The following ARHGAP23 variants were observed in gnomAD, a reference collection of about 807,000 sequenced individuals.
ARHGAP23 encodes the protein Rho GTPase activating protein 23.
A neutral mutation model predicts 136.3 loss-of-function variants in ARHGAP23; 34 were observed. That is an observed-to-expected ratio of 0.25 (90% CI 0.19 to 0.33). The LOEUF (loss-of-function observed/expected upper bound fraction) is 0.33, where lower values mean the gene tolerates loss of function less well. Ranked by LOEUF, ARHGAP23 falls within the 10% of genes least tolerant of loss-of-function variation. The pLI is 1.00. For missense variants in ARHGAP23, 1,808 were observed against 2,139.0 expected (o/e 0.85, Z 3.05); for synonymous variants, 832 against 920.5 (o/e 0.90, Z 1.74).
chr17:38,461,477 A>C (rs2039459338), intron 3 of ARHGAP23, among the ~76,000 whole-genome samples: 1 of 152,240 alleles, frequency 6.6e-6, no homozygotes, highest in African/African-American at 2.4e-5. Flanking sequence ...TATTCAAGGC[A>C]GAGTGCCTTC....
chr17:38,487,449 C>A (rs1386900120), intron 17 of ARHGAP23, among the ~76,000 whole-genome samples: 1 of 152,162 alleles, frequency 6.6e-6, no homozygotes, highest in Non-Finnish European at 1.5e-5. Context: ...GTCAAAGTCC[C>A]GGTGAACCTT....
At chr17:38,455,989 C>T (rs1303550795) in intron 1 of ARHGAP23, among the ~76,000 whole-genome samples, 2 of 152,254 alleles carry the variant, frequency 1.3e-5, no homozygotes, top group Admixed American at 6.5e-5. Context: ...GGGGGTCTTC[C>T]AGCTTTTACG....
At chr17:38,438,820 C>T (rs1414820616) in intron 1 of ARHGAP23, among the ~76,000 whole-genome samples, 1 of 151,882 alleles carries the variant, frequency 6.6e-6, no homozygotes, top group South Asian at 2.1e-4. Context: ...CCCGTCTCTA[C>T]TAAAAATACA....
At chr17:38,486,285 T>A in intron 17 of ARHGAP23, 145 bp downstream of exon 17, 1 of 779,964 alleles carries the variant, frequency 1.3e-6, no homozygotes, top group Non-Finnish European at 2.1e-6. Flanking sequence ...TGGAGTGCAG[T>A]GGCGCAATCA....
chr17:38,438,110 C>T (rs1483742622), intron 1 of ARHGAP23, among the ~76,000 whole-genome samples: 3 of 152,132 alleles, frequency 2.0e-5, no homozygotes, highest in African/African-American at 7.2e-5. Flanking sequence ...ATCACGAGGG[C>T]AAGAGATCGA....
At chr17:38,505,952 A>AT (rs1163254679) in intron 23 of ARHGAP23, among the ~76,000 whole-genome samples, 1 of 151,726 alleles carries the variant, frequency 6.6e-6, no homozygotes, top group Non-Finnish European at 1.5e-5. Flanking sequence ...AAGGAAAGTT[A>AT]TGCACTCTTG....
At chr17:38,467,408 G>A in intron 7 of ARHGAP23, 77 bp downstream of exon 7, 1 of 1,368,310 alleles carries the variant, frequency 7.3e-7, no homozygotes, top group Admixed American at 3.1e-5. Flanking sequence ...CCATCTGCCT[G>A]TCTGCCATGG....
intron 17 of ARHGAP23, among the ~76,000 whole-genome samples, chr17:38,489,586 G>C (rs1049348926): frequency 7.1e-4 from 108 of 152,074 alleles, no homozygotes; most frequent in Non-Finnish European, 5.9e-5. Flanking sequence ...ATCCTCCCGC[G>C]TTACTCTTTC....
chr17:38,470,066 C>G lies in ARHGAP23; in HGVS notation c.1974+162C>G, dbSNP rs553988111. Among the ~76,000 whole-genome samples the G allele has an allele frequency of 5.1e-4, 78 of 152,316 alleles. No homozygotes were observed. The East Asian group carries it at 0.015, about 28-fold the overall frequency. On this transcript the variant is annotated intron_variant, in intron 10 of 23. Transcript: ENST00000622683. ...CCCTCGTGTCCACCGCGGGACCCGC[C>G]CTCTGCTGTGGGCCCCGACATCCCT...
intron 12 of ARHGAP23, among the ~76,000 whole-genome samples, chr17:38,478,370 A>T (rs1048464770): frequency 6.6e-6 from 1 of 151,496 alleles, no homozygotes; most frequent in South Asian, 2.1e-4. Context: ...CTTTGGCCAC[A>T]GGTGGGCAGG....
intron 1 of ARHGAP23, among the ~76,000 whole-genome samples, chr17:38,433,796 G>A (rs2038734359): frequency 6.6e-6 from 1 of 152,086 alleles, no homozygotes; most frequent in African/African-American, 2.4e-5. Context: ...GCAAGGGTGG[G>A]TATGGTTCTG....
intron 1 of ARHGAP23, among the ~76,000 whole-genome samples, chr17:38,446,609 A>ATTTTT (rs59571187): frequency 1.5e-5 from 2 of 131,640 alleles, no homozygotes; most frequent in Middle Eastern, 3.9e-3. Context: ...TCTGTGTTTA[A>ATTTTT]TTTTTTTTTT....
chr17:38,495,405 G>A (rs2040370860), intron 20 of ARHGAP23, among the ~76,000 whole-genome samples: 1 of 151,924 alleles, frequency 6.6e-6, no homozygotes, highest in Non-Finnish European at 1.5e-5. Context: ...GCTAATTTTT[G>A]TATTTTTAGT....
chr17:38,495,289 C>T lies in ARHGAP23; in HGVS notation c.3277-2496C>T, dbSNP rs547519703. On this transcript the variant is annotated intron_variant, in intron 20 of 23. Coordinates refer to ENST00000622683, the MANE Select transcript of ARHGAP23 (RefSeq NM_001199417.2). ...CTCTGTCGCCCAGGCTGGAGTGCAACGGCGCGGTCTCCACTCACTGCAGCC... is the reference window on the plus strand; with the variant it reads ...CTCTGTCGCCCAGGCTGGAGTGCAATGGCGCGGTCTCCACTCACTGCAGCC... Among the ~76,000 whole-genome samples, 25 of 148,380 alleles carry T rather than the reference C, an allele frequency of 1.7e-4. No individual in the cohort carries two copies. The South Asian group carries it at 3.8e-3, about 23-fold the overall frequency.
At chr17:38,505,475 C>T (rs984355099) in intron 23 of ARHGAP23, among the ~76,000 whole-genome samples, 1 of 152,148 alleles carries the variant, frequency 6.6e-6, no homozygotes, top group African/African-American at 2.4e-5. Context: ...TTTCCCCGGC[C>T]CTGCCCTATT....
At chr17:38,460,553 C>T (rs547547610) in intron 2 of ARHGAP23, among the ~76,000 whole-genome samples, 27 of 152,246 alleles carry the variant, frequency 1.8e-4, no homozygotes, top group South Asian at 1.2e-3. Context: ...CTGTAGTTTG[C>T]GCTTGTCACG....
At chr17:38,432,647 C>G (rs1391904430) in intron 1 of ARHGAP23, among the ~76,000 whole-genome samples, 1 of 151,700 alleles carries the variant, frequency 6.6e-6, no homozygotes, top group African/African-American at 2.4e-5. Flanking sequence ...CCATTGCATT[C>G]TAGTCTGAGT....
At chr17:38,490,666 G>A in intron 19 of ARHGAP23, 115 bp downstream of exon 19, 3 of 823,040 alleles carry the variant, frequency 3.6e-6, no homozygotes, top group Non-Finnish European at 6.1e-6. Flanking sequence ...CTCTAGGCAC[G>A]CCCTCCTCCT....
chr17:38,437,998 G>A (rs2144514421), intron 1 of ARHGAP23, among the ~76,000 whole-genome samples: 1 of 147,802 alleles, frequency 6.8e-6, no homozygotes, highest in East Asian at 1.9e-4. Context: ...AGGCTTCACT[G>A]TGGGGAGATG....
Sources: gnomAD v4.1 joint callset for allele counts (sites outside exome capture counted in the v4.1 genomes callset) on GRCh38, gnomAD v4.1.1 for gene constraint, MANE v1.5 for transcripts, NCBI Gene and HGNC (gene_info 2026-07-23, HGNC 2026-07-21) for gene names.